The following PLD5 variants were observed in gnomAD, a reference collection of about 807,000 sequenced individuals.
PLD5 encodes the protein inactive phospholipase D5.
Under a neutral mutation model 61.1 loss-of-function variants are expected in PLD5, and 36 were observed. The observed-to-expected ratio is 0.59, with a 90% CI of 0.45 to 0.78. The LOEUF (loss-of-function observed/expected upper bound fraction) is 0.78, where lower values mean the gene tolerates loss of function less well. PLD5 is among the 30% of genes least tolerant of loss of function. The probability of loss-of-function intolerance (pLI) is 0.00; values close to 1 mark genes in which losing one functional copy is unlikely to be tolerated. For missense variants in PLD5, 515 were observed against 644.4 expected (o/e 0.80, Z 2.17); for synonymous variants, 243 against 242.8 (o/e 1.00, Z -0.01).
chr1:242,115,947 A>T (rs1419975792), intron 6 of PLD5, among the ~76,000 whole-genome samples: 2 of 152,184 alleles, frequency 1.3e-5, no homozygotes, highest in Admixed American at 1.3e-4. Flanking sequence ...GTAGAAAGGG[A>T]AAGATGTGTT....
At chr1:242,371,294 C>T (rs1034532023) in intron 1 of PLD5, among the ~76,000 whole-genome samples, 8 of 152,068 alleles carry the variant, frequency 5.3e-5, no homozygotes, top group African/African-American at 1.9e-4. Context: ...TCTAATCTAA[C>T]TTTGCCGTCA....
chr1:242,418,243 A>G (rs1322522693), intron 1 of PLD5, among the ~76,000 whole-genome samples: 2 of 152,182 alleles, frequency 1.3e-5, no homozygotes, highest in Non-Finnish European at 2.9e-5. Context: ...GGAAGGATAG[A>G]CTTCCCATTA....
chr1:242,164,069 A>ACTAT (rs1012807068), intron 5 of PLD5, among the ~76,000 whole-genome samples: 12 of 152,038 alleles, frequency 7.9e-5, no homozygotes, highest in African/African-American at 1.7e-4. Context: ...AGGATAAGTG[A>ACTAT]CTATCTGTGA....
intron 9 of PLD5, among the ~76,000 whole-genome samples, chr1:242,093,175 G>A (rs747028585): frequency 1.1e-4 from 16 of 152,272 alleles, no homozygotes; most frequent in African/African-American, 1.4e-4. Context: ...GTTCCTGATC[G>A]TGTGCTCTTA....
intron 4 of PLD5, among the ~76,000 whole-genome samples, chr1:242,223,217 G>A (rs1670714276): frequency 6.6e-6 from 1 of 152,166 alleles, no homozygotes; most frequent in Non-Finnish European, 1.5e-5. Context: ...TCCCATTCAT[G>A]AGGGTTTTGC....
At chr1:242,118,505 T>A (rs937486079) in intron 6 of PLD5, among the ~76,000 whole-genome samples, 26 of 152,264 alleles carry the variant, frequency 1.7e-4, no homozygotes, top group Non-Finnish European at 2.8e-4. Context: ...TGCCTGGTTG[T>A]GTATCTCTGG....
chr1:242,355,893 G>A, intron 1 of PLD5, among the ~76,000 whole-genome samples: 1 of 151,894 alleles, frequency 6.6e-6, no homozygotes, highest in East Asian at 1.9e-4. Flanking sequence ...TTTTCTGAAA[G>A]TCTTACTGTT....
chr1:242,198,581 C>T (rs991158217), intron 5 of PLD5, among the ~76,000 whole-genome samples: 1 of 151,608 alleles, frequency 6.6e-6, no homozygotes, highest in African/African-American at 2.4e-5. Context: ...TCTCCCCAGA[C>T]CTGTGCTAAC....
intron 2 of PLD5, among the ~76,000 whole-genome samples, chr1:242,342,258 C>A (rs150849158): frequency 1.3e-5 from 2 of 152,116 alleles, no homozygotes; most frequent in Non-Finnish European, 2.9e-5. Flanking sequence ...GGAGTAGCAA[C>A]TGAAAATGAC....
At chr1:242,250,248 G>T (rs1672626712) in intron 4 of PLD5, among the ~76,000 whole-genome samples, 1 of 152,202 alleles carries the variant, frequency 6.6e-6, no homozygotes, top group African/African-American at 2.4e-5. Context: ...TACACCCAAA[G>T]CTTGCACTGT....
intron 2 of PLD5, among the ~76,000 whole-genome samples, chr1:242,334,337 G>T (rs2149205157): frequency 6.6e-6 from 1 of 152,270 alleles, no homozygotes; most frequent in African/African-American, 2.4e-5. Context: ...TCACATCCCA[G>T]CAGGTTCAGG....
intron 1 of PLD5, among the ~76,000 whole-genome samples, chr1:242,433,694 A>G (rs779520777): frequency 7.2e-5 from 11 of 152,160 alleles, no homozygotes; most frequent in Non-Finnish European, 1.6e-4. Context: ...AATATGTACT[A>G]TGTCCGATGG....
chr1:242,520,829 G>T (rs892931390), intron 1 of PLD5, among the ~76,000 whole-genome samples: 1 of 152,200 alleles, frequency 6.6e-6, no homozygotes, highest in Non-Finnish European at 1.5e-5. Flanking sequence ...AGCAGGGGTG[G>T]ATTAGAGGGT....
At position 242,149,664 on chromosome 1, in the gene PLD5, T is replaced by TACACAC. The variant is rs201893348; in HGVS notation, c.736-25000_736-24999insGTGTGT. 5.5e-3 allele frequency among the ~76,000 whole-genome samples: 754 copies of TACACAC among 137,940 alleles called. 5 individuals are homozygous for TACACAC. Among genetic ancestry groups the TACACAC allele is most frequent in the Admixed American group, 0.011 (154 of 14,502 alleles). 90.5% of individuals were successfully genotyped at this position (137,940 alleles called of 152,430 possible). ...GTTCCTTCAGAAGACTTAAGTTTTA[T>TACACAC]ACACATACACACACACACACACACA... On this transcript the variant is annotated intron_variant, in intron 5 of 9. Coordinates refer to ENST00000536534, the MANE Select transcript of PLD5 (RefSeq NM_001372062.1).
In PLD5 at chr1:242,477,546, T is replaced by A. The variant is rs1043691934; in HGVS notation, c.189+46542A>T. Among the ~76,000 whole-genome samples, 3 of 152,056 alleles carry A rather than the reference T, an allele frequency of 2.0e-5. No homozygotes were observed. In the East Asian group the frequency reaches 5.8e-4, roughly 29 times the overall value. On this transcript the variant is annotated intron_variant, in intron 1 of 9. Coordinates refer to ENST00000536534, the MANE Select transcript of PLD5 (RefSeq NM_001372062.1). ...GTAGTGCACTGAGCTATACCCGCAG[T>A]TGAGGCGCAGGGGAGAGAATGGCAT...
intron 5 of PLD5, among the ~76,000 whole-genome samples, chr1:242,199,036 A>G (rs1668824709): frequency 6.6e-6 from 1 of 152,118 alleles, no homozygotes; most frequent in Admixed American, 6.6e-5. Context: ...GCCCTGCCTC[A>G]TTATTGTTTT....
At chr1:242,142,714 T>TCTCTC (rs1664254081) in intron 5 of PLD5, among the ~76,000 whole-genome samples, 1 of 90,046 alleles carries the variant, frequency 1.1e-5, no homozygotes, top group African/African-American at 5.5e-5. Flanking sequence ...AGCTGTGTCT[T>TCTCTC]TCTCTCTCTC....
At chr1:242,187,154 A>C (rs540843007) in intron 5 of PLD5, among the ~76,000 whole-genome samples, 228 of 152,352 alleles carry the variant, frequency 1.5e-3, no homozygotes, top group Non-Finnish European at 2.5e-3. Context: ...ATGTAAGAGA[A>C]GTGCCTAGGG....
At chr1:242,316,562 C>T (rs1382537090) in intron 2 of PLD5, among the ~76,000 whole-genome samples, 6 of 151,976 alleles carry the variant, frequency 3.9e-5, no homozygotes, top group Non-Finnish European at 7.4e-5. Flanking sequence ...TCTATATTAA[C>T]ATTGAGGTGA....
Sources: gnomAD v4.1 joint callset for allele counts (sites outside exome capture counted in the v4.1 genomes callset) on GRCh38, gnomAD v4.1.1 for gene constraint, MANE v1.5 for transcripts, NCBI Gene and HGNC (gene_info 2026-07-23, HGNC 2026-07-21) for gene names.